The following CLASP1 variants were observed in gnomAD, a reference collection of about 807,000 sequenced individuals.
CLASP1 encodes CLIP-associating protein 1.
CLASP1 carries 38 observed loss-of-function variants against 192.3 expected under a neutral mutation model. The ratio of observed to expected loss-of-function variants is 0.20; its 90% confidence interval spans 0.15 to 0.26. The LOEUF (loss-of-function observed/expected upper bound fraction) is 0.26, where lower values mean the gene tolerates loss of function less well. Ranked by LOEUF, CLASP1 falls within the 10% of genes least tolerant of loss-of-function variation. The probability of loss-of-function intolerance (pLI) is 1.00; values close to 1 mark genes in which losing one functional copy is unlikely to be tolerated. For synonymous variants in CLASP1, 691 were observed against 712.8 expected, an observed-to-expected ratio of 0.97 and a Z score of 0.49; for missense variants, 1,433 against 1,932.5, an observed-to-expected ratio of 0.74 and a Z score of 4.85.
intron 1 of CLASP1, among the ~76,000 whole-genome samples, chr2:121,620,122 T>C (rs2067089873): frequency 6.6e-6 from 1 of 150,622 alleles, no homozygotes; most frequent in Non-Finnish European, 1.5e-5. Context: ...CTGAGGAGGC[T>C]GAGGTGGGAG....
intron 2 of CLASP1, among the ~76,000 whole-genome samples, chr2:121,594,382 A>T (rs1271380670): frequency 6.8e-6 from 1 of 148,146 alleles, no homozygotes; most frequent in African/African-American, 2.6e-5. Flanking sequence ...TAAATCAGGT[A>T]TTAATAGTCT....
intron 2 of CLASP1, among the ~76,000 whole-genome samples, chr2:121,562,008 A>T (rs945375523): frequency 6.6e-6 from 1 of 152,226 alleles, no homozygotes; most frequent in African/African-American, 2.4e-5. Context: ...TTAATGTTAG[A>T]CAAGTATTCT....
At chr2:121,357,319 T>C (rs2065605189) in intron 37 of CLASP1, among the ~76,000 whole-genome samples, 1 of 152,180 alleles carries the variant, frequency 6.6e-6, no homozygotes, top group Non-Finnish European at 1.5e-5. Flanking sequence ...TGGAAGAGTA[T>C]AAAAAGGATA....
intron 19 of CLASP1, among the ~76,000 whole-genome samples, chr2:121,441,699 G>A (rs1254109571): frequency 6.6e-6 from 1 of 151,868 alleles, no homozygotes; most frequent in Admixed American, 6.6e-5. Context: ...AGCTGTAATA[G>A]CACCACTGCA....
chr2:121,440,558 G>A (rs981338832), intron 19 of CLASP1, among the ~76,000 whole-genome samples: 12 of 152,180 alleles, frequency 7.9e-5, no homozygotes, highest in African/African-American at 2.9e-4. Flanking sequence ...AGGGCATGGT[G>A]TTGCACACCT....
chr2:121,437,444 G>C (rs912703690), intron 19 of CLASP1, among the ~76,000 whole-genome samples: 2 of 152,154 alleles, frequency 1.3e-5, no homozygotes, highest in Non-Finnish European at 2.9e-5. Context: ...AATTCTTTAA[G>C]ATCTAGATTA....
intron 23 of CLASP1, among the ~76,000 whole-genome samples, chr2:121,412,838 A>G (rs2077943193): frequency 6.6e-6 from 1 of 152,224 alleles, no homozygotes; most frequent in Admixed American, 6.5e-5. Flanking sequence ...TGTTTTCGCC[A>G]GAGCAAAGTC....
At chr2:121,425,618 A>G (rs950040804) in intron 21 of CLASP1, among the ~76,000 whole-genome samples, 3 of 152,142 alleles carry the variant, frequency 2.0e-5, no homozygotes, top group Non-Finnish European at 4.4e-5. Context: ...ATTATGTTAA[A>G]AATTTTAGGT....
At chr2:121,415,711 G>A (rs538004320) in intron 23 of CLASP1, among the ~76,000 whole-genome samples, 1 of 152,080 alleles carries the variant, frequency 6.6e-6, no homozygotes, top group Non-Finnish European at 1.5e-5. Context: ...AAATTTATAG[G>A]TTTAACAAAA....
rs183578250 is a variant in CLASP1, at chr2:121,512,618, G to A, written c.644+3047C>T. ...TCTGGCTCGATAAGATTTTGGCCAC[G>A]AGAAGAGAAGACTGAAATAACAACA... On this transcript the variant is annotated intron_variant, in intron 7 of 39. Coordinates refer to ENST00000263710, the Ensembl canonical transcript of CLASP1. Among the ~76,000 whole-genome samples, 319 of 152,248 alleles carry A rather than the reference G, an allele frequency of 2.1e-3. 1 individual carries two copies. Among genetic ancestry groups the A allele is most frequent in the African/African-American group, 7.2e-3 (299 of 41,546 alleles).
intron 8 of CLASP1, among the ~76,000 whole-genome samples, chr2:121,496,014 C>CA (rs1442263984): frequency 2.0e-5 from 3 of 152,218 alleles, no homozygotes; most frequent in African/African-American, 7.2e-5. Context: ...GAGCAGGGCA[C>CA]AGACGCCTTT....
intron 1 of CLASP1, among the ~76,000 whole-genome samples, chr2:121,642,657 G>A (rs752019736): frequency 5.3e-5 from 8 of 152,206 alleles, no homozygotes; most frequent in East Asian, 1.9e-4. Context: ...GCTTGAATCC[G>A]GGAGGCGGAG....
intron 1 of CLASP1, among the ~76,000 whole-genome samples, chr2:121,627,120 A>T (rs1481216215): frequency 6.6e-6 from 1 of 152,212 alleles, no homozygotes; most frequent in Non-Finnish European, 1.5e-5. Context: ...TAGGAAAAAG[A>T]GGAGAAAACT....
intron 37 of CLASP1, among the ~76,000 whole-genome samples, chr2:121,355,616 A>C (rs1474831747): frequency 6.6e-6 from 1 of 151,794 alleles, no homozygotes; most frequent in African/African-American, 2.4e-5. Flanking sequence ...TATATGCCAA[A>C]CCCCTGGCTT....
In CLASP1 at chr2:121,583,448, T is replaced by C. The variant is rs1162609721; in HGVS notation, c.195+22253A>G. ...TGATAAAATTGAAGAATAATGCATA[T>C]ATAAAAACCTGACACATAGCAGGAG... On this transcript the variant is annotated intron_variant, in intron 2 of 39. Transcript: ENST00000263710. Among the ~76,000 whole-genome samples the C allele has an allele frequency of 2.6e-5, 4 of 152,296 alleles. No individual in the cohort carries two copies. In the South Asian group the frequency reaches 6.2e-4, roughly 24 times the overall value.
At chr2:121,492,507 T>G (rs759785955) in intron 8 of CLASP1, among the ~76,000 whole-genome samples, 2 of 151,808 alleles carry the variant, frequency 1.3e-5, no homozygotes, top group Non-Finnish European at 2.9e-5. Context: ...ACAATTCGAT[T>G]TTTAAGTGGA....
At chr2:121,453,651 T>C (rs2086025213) in intron 14 of CLASP1, among the ~76,000 whole-genome samples, 1 of 152,262 alleles carries the variant, frequency 6.6e-6, no homozygotes, top group African/African-American at 2.4e-5. Flanking sequence ...TTCTTGGCTC[T>C]TTACTGCACT....
intron 2 of CLASP1, among the ~76,000 whole-genome samples, chr2:121,538,902 G>A (rs1038596830): frequency 2.8e-4 from 43 of 151,610 alleles, no homozygotes; most frequent in African/African-American, 9.7e-4. Flanking sequence ...AAGCCAAAAA[G>A]GAAAGTTAAA....
At chr2:121,448,841 G>C (rs1278767503) in intron 17 of CLASP1, 112 bp downstream of exon 17, 2 of 1,017,110 alleles carry the variant, frequency 2.0e-6, no homozygotes, top group Admixed American at 2.4e-5. Flanking sequence ...TCAAGTAAGG[G>C]GGCGTTTTAA....
Sources: gnomAD v4.1 joint callset for allele counts (sites outside exome capture counted in the v4.1 genomes callset) on GRCh38, gnomAD v4.1.1 for gene constraint, MANE v1.5 for transcripts, NCBI Gene and HGNC (gene_info 2026-07-23, HGNC 2026-07-21) for gene names.